The following PPM1B variants were observed in gnomAD, a reference collection of about 807,000 sequenced individuals.
The protein encoded by PPM1B is protein phosphatase, Mg2+/Mn2+ dependent 1B.
Under a neutral mutation model 43.0 loss-of-function variants are expected in PPM1B, and 22 were observed. The ratio of observed to expected loss-of-function variants is 0.51; its 90% CI spans 0.37 to 0.73. The LOEUF (loss-of-function observed/expected upper bound fraction) is 0.73. PPM1B is among the 30% of genes least tolerant of loss of function. The pLI is 0.00. For missense variants in PPM1B, 632 were observed against 584.2 expected (o/e 1.08, Z -0.84); for synonymous variants, 217 against 197.9 (o/e 1.10, Z -0.81).
chr2:44,245,123 C>A (rs1670832710), downstream of PPM1B, among the ~76,000 whole-genome samples: 1 of 152,152 alleles, frequency 6.6e-6, no homozygotes, highest in Non-Finnish European at 1.5e-5. Flanking sequence ...AACACACACA[C>A]ACAGCTGCTT....
intron 5 of PPM1B, among the ~76,000 whole-genome samples, chr2:44,223,532 G>T (rs534383396): frequency 2.4e-4 from 37 of 152,048 alleles, no homozygotes; most frequent in Non-Finnish European, 3.8e-4. Flanking sequence ...AATGCAGGCC[G>T]GGCGCGGTGG....
downstream of PPM1B, among the ~76,000 whole-genome samples, chr2:44,238,923 C>A (rs1670687697): frequency 6.6e-6 from 1 of 151,736 alleles, no homozygotes; most frequent in Non-Finnish European, 1.5e-5. Flanking sequence ...AATCAAAAGC[C>A]TTAATGTAAA....
At chr2:44,237,457 C>T (rs905152258), downstream of PPM1B, among the ~76,000 whole-genome samples, 1 of 152,194 alleles carries the variant, frequency 6.6e-6, no homozygotes, top group African/African-American at 2.4e-5. Flanking sequence ...ACACCACTTA[C>T]TAGTACACTG....
At chr2:44,217,020 T>C in intron 3 of PPM1B, among the ~76,000 whole-genome samples, 1 of 152,118 alleles carries the variant, frequency 6.6e-6, no homozygotes, top group Non-Finnish European at 1.5e-5. Flanking sequence ...AATGGATCCT[T>C]TGGAGATGAG....
At chr2:44,169,542 C>G (rs533945175) in intron 1 of PPM1B, among the ~76,000 whole-genome samples, 121 of 152,350 alleles carry the variant, frequency 7.9e-4, no homozygotes, top group African/African-American at 2.6e-3. Context: ...TTTGCTGGAA[C>G]GCCTGGAAGC....
chr2:44,230,968 C>A lies in PPM1B; in HGVS notation c.*250C>A. ...CATTGTATGCCAGAAATTAGGCTAC[C>A]AATTATGAATTAAAGTCAGTAGTTA... On this transcript the variant is annotated 3_prime_UTR_variant, in exon 6 of 6. Coordinates refer to ENST00000282412, the MANE Select transcript of PPM1B (RefSeq NM_002706.6). 1 of 1,083,372 alleles carries A rather than the reference C, an allele frequency of 9.2e-7. No homozygotes were observed. Among genetic ancestry groups the A allele is most frequent in the Non-Finnish European group, 1.1e-6 (1 of 876,918 alleles). The allele number at this position is 1,083,372 out of a possible 1,614,324, so 67.1% of individuals were successfully genotyped here. A position where few individuals can be genotyped will look rare whatever the true frequency, so the allele number is the denominator to read the frequency against.
intron 3 of PPM1B, chr2:44,213,758 G>A (rs1204948333): frequency 6.6e-6 from 1 of 152,106 alleles, no homozygotes; most frequent in Non-Finnish European, 1.5e-5. Context: ...TGAGAAACAT[G>A]TAAGAACACA....
chr2:44,201,409 C>CCTAGGA lies in PPM1B; in HGVS notation c.210_211insCTAGGA (p.Tyr70_Cys71insLeuGly). 1 of 1,614,144 alleles carries CCTAGGA rather than the reference C, an allele frequency of 6.2e-7. No homozygotes were observed. Among genetic ancestry groups the CCTAGGA allele is most frequent in the South Asian group, 1.1e-5 (1 of 91,084 alleles). On this transcript the variant is annotated inframe_insertion, in exon 2 of 6. Transcript: ENST00000282412. The surrounding 1 kb of genome is among the most constrained non-coding windows in gnomAD (Gnocchi z 5.4). Reference sequence around the variant, plus strand: ...ATGCTGGATCCCGAGTGGCAAATTACTGCTCAACACATTTATTAGAACACA... The same window carrying CCTAGGA: ...ATGCTGGATCCCGAGTGGCAAATTACCTAGGATGCTCAACACATTTATTAGAACACA...
intron 5 of PPM1B, among the ~76,000 whole-genome samples, chr2:44,224,367 A>G (rs1361766571): frequency 6.6e-6 from 1 of 151,278 alleles, no homozygotes. Context: ...AGGCAGGAGA[A>G]TGGCGTGAAC....
At chr2:44,176,654 C>A (rs537798032) in intron 1 of PPM1B, among the ~76,000 whole-genome samples, 61 of 152,306 alleles carry the variant, frequency 4.0e-4, no homozygotes, top group African/African-American at 1.4e-3. Context: ...GAGGCCTCTT[C>A]TTCAGTTTAT....
intron 1 of PPM1B, among the ~76,000 whole-genome samples, chr2:44,188,575 T>G (rs76346600): frequency 0.19 from 29,408 of 151,564 alleles, 2,995 homozygotes; most frequent in South Asian, 0.25. Context: ...TTTTTAATCT[T>G]TCGTAGAGTT....
rs566098809 is a variant in PPM1B at position 44,230,113 on chromosome 2, T to C, written c.1135-300T>C. On this transcript the variant is annotated intron_variant, in intron 5 of 5. Transcript: ENST00000282412. ...AAATATTGTTTAAGTAAGTCAGTTT[T>C]AGGAAATGCTTGTGTTGCTGTTGAA... 14 of 1,479,324 alleles carry C rather than the reference T, an allele frequency of 9.5e-6. 1 individual carries two copies. In the Admixed American group the frequency reaches 2.0e-4, roughly 22 times the overall value. The allele number at this position is 1,479,324 out of a possible 1,614,324, so 91.6% of individuals were successfully genotyped here.
chr2:44,173,834 C>T (rs753629923), intron 1 of PPM1B, among the ~76,000 whole-genome samples: 1 of 152,152 alleles, frequency 6.6e-6, no homozygotes, highest in Non-Finnish European at 1.5e-5. Context: ...GTCCCAGCTA[C>T]CCCGGAGGCT....
At chr2:44,207,843 G>A (rs927517750) in intron 2 of PPM1B, among the ~76,000 whole-genome samples, 17 of 148,832 alleles carry the variant, frequency 1.1e-4, no homozygotes, top group Non-Finnish European at 2.1e-4. Flanking sequence ...GAGGCCTCCC[G>A]AAGTGCTGGG....
chr2:44,200,811 C>T (rs984901617), intron 1 of PPM1B, among the ~76,000 whole-genome samples: 3 of 152,202 alleles, frequency 2.0e-5, no homozygotes, highest in Non-Finnish European at 4.4e-5. Flanking sequence ...GAACCCTAGA[C>T]TCACCTTGTA....
At chr2:44,225,393 G>T (rs1231143397) in intron 5 of PPM1B, among the ~76,000 whole-genome samples, 1 of 152,136 alleles carries the variant, frequency 6.6e-6, no homozygotes, top group Non-Finnish European at 1.5e-5. Context: ...TAGATAATAG[G>T]TTTCTCTTCT....
Position 44,231,231 on chromosome 2 carries a change from A to G in PPM1B, c.*513A>G. 1 of 982,066 alleles carries G rather than the reference A, an allele frequency of 1.0e-6. No individual in the cohort carries two copies. Among genetic ancestry groups the G allele is most frequent in the Non-Finnish European group, 1.2e-6 (1 of 826,896 alleles). 60.8% of individuals were successfully genotyped at this position (982,066 alleles called of 1,614,324 possible). A position where few individuals can be genotyped will look rare whatever the true frequency, so the allele number is the denominator to read the frequency against. On this transcript the variant is annotated 3_prime_UTR_variant, in exon 6 of 6. Transcript: ENST00000282412. The stretch of plus-strand genomic sequence containing the variant: ...TTTGTGTGTTGTTTGATTTGTTTAT[A>G]TTTTACATCTCTGTAGTTTTATTTT...
In PPM1B at chr2:44,176,648, C is replaced by A. The variant is rs141060223; in HGVS notation, c.-15+7374C>A. On this transcript the variant is annotated intron_variant, in intron 1 of 5. Coordinates refer to ENST00000282412, the MANE Select transcript of PPM1B (RefSeq NM_002706.6). Reference sequence around the variant, plus strand: ...CTACTGAACCAGTTTGGTAAAGAGGCCTCTTCTTCAGTTTATACAAACATT... The same window carrying A: ...CTACTGAACCAGTTTGGTAAAGAGGACTCTTCTTCAGTTTATACAAACATT... Among the ~76,000 whole-genome samples the A allele has an allele frequency of 3.7e-4, 56 of 152,272 alleles. No homozygotes were observed. The East Asian group carries it at 6.9e-3, about 19-fold the overall frequency.
At chr2:44,202,792 GA>G (rs1195384946) in intron 2 of PPM1B, among the ~76,000 whole-genome samples, 2 of 151,986 alleles carry the variant, frequency 1.3e-5, no homozygotes, top group Non-Finnish European at 2.9e-5. Flanking sequence ...TACAGTAATA[GA>G]AAAAAAGTCC....
Sources: gnomAD v4.1 joint callset for allele counts (sites outside exome capture counted in the v4.1 genomes callset) on GRCh38, gnomAD v4.1.1 for gene constraint, Gnocchi (gnomAD v3.1) non-coding constraint, MANE v1.5 for transcripts, NCBI Gene and HGNC (gene_info 2026-07-23, HGNC 2026-07-21) for gene names.